KIAA1958: variants seen among roughly 807,000 people sequenced by gnomAD.
The protein encoded by KIAA1958 is KIAA1958.
KIAA1958 carries 14 observed loss-of-function variants against 47.2 expected under a neutral mutation model. The observed-to-expected ratio is 0.30, with a 90% CI of 0.20 to 0.46. The LOEUF is 0.46. Ranked by LOEUF, KIAA1958 falls within the 20% of genes least tolerant of loss-of-function variation. KIAA1958 has a pLI of 1.00. For missense variants in KIAA1958, 803 were observed against 909.2 expected, an observed-to-expected ratio of 0.88 and a Z score of 1.50; for synonymous variants, 354 against 353.3, an observed-to-expected ratio of 1.00 and a Z score of -0.02.
chr9:112,595,321 C>T (rs921336030), intron 2 of KIAA1958, among the ~76,000 whole-genome samples: 7 of 152,134 alleles, frequency 4.6e-5, no homozygotes, highest in Non-Finnish European at 1.0e-4. Context: ...TGATCCATTG[C>T]GGTGCCAGCA....
At chr9:112,572,951 G>T (rs924411043) in intron 1 of KIAA1958, among the ~76,000 whole-genome samples, 7 of 152,168 alleles carry the variant, frequency 4.6e-5, no homozygotes, top group Non-Finnish European at 1.0e-4. Context: ...CCTGACTGCA[G>T]AGCACCAGCG....
chr9:112,591,412 A>T (rs1455225795), intron 2 of KIAA1958, among the ~76,000 whole-genome samples: 1 of 152,204 alleles, frequency 6.6e-6, no homozygotes, highest in African/African-American at 2.4e-5. Context: ...ATATACTTAA[A>T]GCAATAAAAA....
intron 1 of KIAA1958, among the ~76,000 whole-genome samples, chr9:112,496,756 C>T (rs1731278087): frequency 6.6e-6 from 1 of 152,138 alleles, no homozygotes; most frequent in Admixed American, 6.6e-5. Context: ...CCCCCAGAAG[C>T]TCAGAAACTT....
rs1837375361 is a variant in KIAA1958 at position 112,668,099 on chromosome 9, A to G, written c.*8030A>G. 1 of 61,716 alleles carries G rather than the reference A, an allele frequency of 1.6e-5. No individual in the cohort carries two copies. The highest frequency in any genetic ancestry group is 4.6e-4 in the South Asian group (1 of 2,156). 3.8% of individuals were successfully genotyped at this position (61,716 alleles called of 1,614,324 possible). Reference sequence around the variant, plus strand: ...TAAATTGCTCTTGATTTTCCCCACCATCATTTAAAACACTCTATCCTGAAA... The same window carrying G: ...TAAATTGCTCTTGATTTTCCCCACCGTCATTTAAAACACTCTATCCTGAAA... On this transcript the variant is annotated 3_prime_UTR_variant, in exon 4 of 4. Coordinates refer to ENST00000337530, the MANE Select transcript of KIAA1958 (RefSeq NM_133465.4).
rs139300881 is a variant in KIAA1958, at chr9:112,625,251, A to G, written c.1172-20399A>G. On this transcript the variant is annotated intron_variant, in intron 2 of 3. Coordinates refer to ENST00000337530, the MANE Select transcript of KIAA1958 (RefSeq NM_133465.4). ...ACTGCAGCCTTGAACTCCTGGGCTC[A>G]AGCAATCCTCCCAACTCAACCTCCC... Among the ~76,000 whole-genome samples the G allele has an allele frequency of 5.3e-3, 804 of 152,296 alleles. 4 individuals are homozygous for G. The highest frequency in any genetic ancestry group is 0.018 in the African/African-American group (761 of 41,564).
At chr9:112,610,140 GA>G (rs1368175262) in intron 2 of KIAA1958, among the ~76,000 whole-genome samples, 2 of 151,934 alleles carry the variant, frequency 1.3e-5, no homozygotes, top group African/African-American at 4.8e-5. Flanking sequence ...TTTTTATTAT[GA>G]AATCAATAAT....
chr9:112,530,064 C>G (rs569794446), intron 1 of KIAA1958, among the ~76,000 whole-genome samples: 2 of 152,092 alleles, frequency 1.3e-5, no homozygotes. Flanking sequence ...AGGATGGTCT[C>G]GATCTCCTGA....
chr9:112,582,625 A>C (rs996416894), intron 2 of KIAA1958: 1 of 153,754 alleles, frequency 6.5e-6, no homozygotes, highest in Admixed American at 6.5e-5. Flanking sequence ...GCAAGTGACA[A>C]CTCAGCCCTC....
chr9:112,511,758 T>A (rs541325382), intron 1 of KIAA1958, among the ~76,000 whole-genome samples: 12 of 152,222 alleles, frequency 7.9e-5, no homozygotes, highest in African/African-American at 2.4e-4. Context: ...ATTAAAAAAA[T>A]TTTAAAAATA....
chr9:112,526,202 A>T (rs546111616), intron 1 of KIAA1958, among the ~76,000 whole-genome samples: 1 of 151,460 alleles, frequency 6.6e-6, no homozygotes, highest in East Asian at 2.0e-4. Context: ...CAGTGGTCTT[A>T]GTGTCTCTCT....
At chr9:112,647,328 C>G (rs957536) in intron 3 of KIAA1958, among the ~76,000 whole-genome samples, 1 of 152,214 alleles carries the variant, frequency 6.6e-6, no homozygotes, top group Non-Finnish European at 1.5e-5. Context: ...TAAAGTGGTT[C>G]TAGGTAGGTA....
At chr9:112,631,534 GAAAAAAAAA>G (rs57805823) in intron 2 of KIAA1958, among the ~76,000 whole-genome samples, 9 of 98,306 alleles carry the variant, frequency 9.2e-5, no homozygotes, top group African/African-American at 1.5e-4. Flanking sequence ...CTCTCTCAAA[GAAAAAAAAA>G]AAAAAAAAAA....
chr9:112,633,227 C>G (rs58876785), intron 2 of KIAA1958, among the ~76,000 whole-genome samples: 9,607 of 149,524 alleles, frequency 0.064, 377 homozygotes, highest in East Asian at 0.13. Flanking sequence ...TTTAGGGCAA[C>G]TCCTCCCAAT....
At chr9:112,570,467 C>G (rs1835512814) in intron 1 of KIAA1958, among the ~76,000 whole-genome samples, 1 of 152,194 alleles carries the variant, frequency 6.6e-6, no homozygotes, top group African/African-American at 2.4e-5. Flanking sequence ...TGCTATCCAT[C>G]TGAAAGTCTG....
intron 2 of KIAA1958, among the ~76,000 whole-genome samples, chr9:112,598,804 C>G (rs1040154582): frequency 6.6e-6 from 1 of 152,142 alleles, no homozygotes; most frequent in Admixed American, 6.5e-5. Flanking sequence ...AGCATGGTGG[C>G]TCACACCTGT....
At chr9:112,512,599 C>T (rs1156616245) in intron 1 of KIAA1958, among the ~76,000 whole-genome samples, 3 of 152,076 alleles carry the variant, frequency 2.0e-5, no homozygotes, top group Non-Finnish European at 2.9e-5. Context: ...CTGTCTCATC[C>T]ATTCGTTCAG....
rs150466616 is a variant in KIAA1958, at chr9:112,662,455, T to TACACACACACAC, written c.*2387_*2398dup. Reference sequence around the variant, plus strand: ...ACACAAACACATATACATAAGTGTTTACACACACACACGCACAATATGTGG... The same window carrying TACACACACACAC: ...ACACAAACACATATACATAAGTGTTTACACACACACACACACACACACACGCACAATATGTGG... On this transcript the variant is annotated 3_prime_UTR_variant, in exon 4 of 4. Coordinates refer to ENST00000337530, the MANE Select transcript of KIAA1958 (RefSeq NM_133465.4). The TACACACACACAC allele has an allele frequency of 0.21, 29,846 of 143,242 alleles. 3,292 individuals are homozygous for TACACACACACAC. Among genetic ancestry groups the TACACACACACAC allele is most frequent in the East Asian group, 0.38 (1,799 of 4,782 alleles). The allele number at this position is 143,242 out of a possible 1,614,324, so 8.9% of individuals were successfully genotyped here. A position where few individuals can be genotyped will look rare whatever the true frequency, so the allele number is the denominator to read the frequency against.
At chr9:112,531,657 A>C (rs1328715331) in intron 1 of KIAA1958, among the ~76,000 whole-genome samples, 1 of 152,246 alleles carries the variant, frequency 6.6e-6, no homozygotes, top group Non-Finnish European at 1.5e-5. Context: ...AGGTCTTTTG[A>C]AGACATAGTC....
chr9:112,597,798 C>T (rs1836059233), intron 2 of KIAA1958, among the ~76,000 whole-genome samples: 1 of 152,132 alleles, frequency 6.6e-6, no homozygotes, highest in East Asian at 1.9e-4. Context: ...AAGGAGATCA[C>T]TTTCATTTTC....
Sources: allele counts gnomAD v4.1 joint callset (sites outside exome capture counted in the v4.1 genomes callset), GRCh38; gene constraint gnomAD v4.1.1; transcripts MANE v1.5; gene names NCBI Gene and HGNC (gene_info 2026-07-23, HGNC 2026-07-21).